The following SGCZ variants were observed in gnomAD, a reference collection of about 807,000 sequenced individuals.
SGCZ encodes the protein sarcoglycan zeta.
In SGCZ, 40 loss-of-function variants were observed where a neutral mutation model predicts 41.3. The observed-to-expected ratio is 0.97, with a 90% CI of 0.75 to 1.26. The LOEUF (loss-of-function observed/expected upper bound fraction) is 1.26, where lower values mean the gene tolerates loss of function less well. Among genes scored for constraint, SGCZ ranks in the 50% most tolerant of loss-of-function variants. The pLI, the probability that SGCZ is intolerant of heterozygous loss-of-function variation, is 0.00. For missense variants in SGCZ, 552 were observed against 369.8 expected, an observed-to-expected ratio of 1.49 and a Z score of -4.04; for synonymous variants, 206 against 137.5, an observed-to-expected ratio of 1.50 and a Z score of -3.49.
intron 1 of SGCZ, among the ~76,000 whole-genome samples, chr8:14,917,312 G>C (rs920357506): frequency 3.6e-5 from 1 of 27,620 alleles, no homozygotes; most frequent in Admixed American, 4.0e-4. Context: ...ATTTAAGCAA[G>C]AGATTTTTTT....
chr8:14,112,957 A>T (rs1377615509), intron 5 of SGCZ, among the ~76,000 whole-genome samples: 1 of 152,176 alleles, frequency 6.6e-6, no homozygotes, highest in Non-Finnish European at 1.5e-5. Flanking sequence ...ATTGTATTCC[A>T]TTAAAAAGGA....
chr8:15,217,342 G>A (rs894994518), intron 1 of SGCZ, among the ~76,000 whole-genome samples: 26 of 151,148 alleles, frequency 1.7e-4, no homozygotes, highest in Admixed American at 1.2e-3. Flanking sequence ...GCGTGAACCC[G>A]GGAGGCGGAG....
chr8:14,240,016 G>A (rs59925393), intron 3 of SGCZ, among the ~76,000 whole-genome samples: 1 of 150,492 alleles, frequency 6.6e-6, no homozygotes, highest in African/African-American at 2.5e-5. Context: ...ATTTAAAAGA[G>A]AAATAGACTT....
chr8:14,940,486 C>T (rs573660348), intron 1 of SGCZ, among the ~76,000 whole-genome samples: 1 of 152,232 alleles, frequency 6.6e-6, no homozygotes, highest in South Asian at 2.1e-4. Context: ...AAAGTTCACA[C>T]ATTTCCTAAG....
At chr8:14,382,427 A>C (rs557995321) in intron 2 of SGCZ, among the ~76,000 whole-genome samples, 1 of 151,890 alleles carries the variant, frequency 6.6e-6, no homozygotes, top group Non-Finnish European at 1.5e-5. Context: ...TTAAAAAAAA[A>C]CACAATACCA....
At chr8:14,357,740 T>C (rs1164539327) in intron 2 of SGCZ, among the ~76,000 whole-genome samples, 2 of 152,190 alleles carry the variant, frequency 1.3e-5, no homozygotes, top group African/African-American at 4.8e-5. Flanking sequence ...GGTAACATTA[T>C]GATCTCTAAT....
chr8:14,200,094 T>C (rs1174278543), intron 4 of SGCZ, among the ~76,000 whole-genome samples: 3 of 152,160 alleles, frequency 2.0e-5, no homozygotes, highest in African/African-American at 7.2e-5. Context: ...CTGGCAGTGT[T>C]GGAATATATC....
At chr8:14,461,489 C>G (rs1800900144) in intron 2 of SGCZ, among the ~76,000 whole-genome samples, 1 of 152,068 alleles carries the variant, frequency 6.6e-6, no homozygotes, top group Admixed American at 6.6e-5. Flanking sequence ...AGGCTCTATA[C>G]TAGACCTACT....
intron 4 of SGCZ, among the ~76,000 whole-genome samples, chr8:14,230,408 T>C (rs1430185170): frequency 1.3e-5 from 2 of 152,134 alleles, no homozygotes; most frequent in Non-Finnish European, 2.9e-5. Flanking sequence ...TGTTAACATA[T>C]TTAATTTTCA....
At chr8:14,499,664 C>A (rs780610851) in intron 2 of SGCZ, among the ~76,000 whole-genome samples, 1 of 151,926 alleles carries the variant, frequency 6.6e-6, no homozygotes, top group Non-Finnish European at 1.5e-5. Flanking sequence ...ATTTTAAATA[C>A]TTTATTTTTC....
intron 1 of SGCZ, among the ~76,000 whole-genome samples, chr8:14,854,300 C>T (rs552748664): frequency 1.6e-4 from 24 of 151,318 alleles, no homozygotes; most frequent in Admixed American, 7.2e-4. Context: ...CTATTTCATT[C>T]GCAATTCACA....
chr8:14,330,675 A>G (rs1802284914), intron 2 of SGCZ, among the ~76,000 whole-genome samples: 1 of 152,038 alleles, frequency 6.6e-6, no homozygotes, highest in African/African-American at 2.4e-5. Context: ...CTTTGCAATG[A>G]TCTCATGGTA....
chr8:15,038,328 C>T (rs996184025), intron 1 of SGCZ, among the ~76,000 whole-genome samples: 1 of 151,906 alleles, frequency 6.6e-6, no homozygotes, highest in African/African-American at 2.4e-5. Flanking sequence ...TGATTTTTGA[C>T]AAAGTTTGCA....
At chr8:15,125,456 AC>A (rs1014285960) in intron 1 of SGCZ, among the ~76,000 whole-genome samples, 2 of 152,150 alleles carry the variant, frequency 1.3e-5, no homozygotes, top group African/African-American at 4.8e-5. Context: ...AATTAAAAAT[AC>A]CCTTCTTTGT....
chr8:14,359,297 C>A (rs1803417266), intron 2 of SGCZ, among the ~76,000 whole-genome samples: 1 of 152,134 alleles, frequency 6.6e-6, no homozygotes, highest in Admixed American at 6.5e-5. Flanking sequence ...CTTCAACACC[C>A]TGTGTTCACA....
At chr8:15,075,367 G>T (rs1203226546) in intron 1 of SGCZ, among the ~76,000 whole-genome samples, 1 of 152,044 alleles carries the variant, frequency 6.6e-6, no homozygotes, top group African/African-American at 2.4e-5. Flanking sequence ...TTTTTAAAAT[G>T]CCCTGACATT....
At chr8:15,233,248 C>CT (rs1802013429) in intron 1 of SGCZ, among the ~76,000 whole-genome samples, 1 of 150,532 alleles carries the variant, frequency 6.6e-6, no homozygotes, top group South Asian at 2.1e-4. Flanking sequence ...AAAATACCAC[C>CT]TACTTAGATT....
At chr8:14,919,410 T>C (rs1312063990) in intron 1 of SGCZ, among the ~76,000 whole-genome samples, 3 of 151,742 alleles carry the variant, frequency 2.0e-5, no homozygotes, top group Non-Finnish European at 2.9e-5. Context: ...CACTGCACTC[T>C]AGCCTGAATG....
At chr8:14,292,402 T>C (rs190336662) in intron 3 of SGCZ, among the ~76,000 whole-genome samples, 3 of 151,818 alleles carry the variant, frequency 2.0e-5, no homozygotes, top group African/African-American at 2.4e-5. Flanking sequence ...ATGCCTCAGG[T>C]AAAATTTAAG....
Sources: gnomAD v4.1 joint callset for allele counts (sites outside exome capture counted in the v4.1 genomes callset) on GRCh38, gnomAD v4.1.1 for gene constraint, MANE v1.5 for transcripts, NCBI Gene and HGNC (gene_info 2026-07-23, HGNC 2026-07-21) for gene names.